PPP2R5C: variants seen among roughly 807,000 people sequenced by gnomAD.
The protein encoded by PPP2R5C is protein phosphatase 2 regulatory subunit B'gamma.
A neutral mutation model predicts 68.9 loss-of-function variants in PPP2R5C; 7 were observed. That is an observed-to-expected ratio of 0.10 (90% CI 0.06 to 0.19). PPP2R5C has a LOEUF of 0.19. Among genes scored for constraint, PPP2R5C ranks in the 10% least tolerant of loss-of-function variants. The probability of loss-of-function intolerance (pLI) is 1.00; values close to 1 mark genes in which losing one functional copy is unlikely to be tolerated. For missense variants in PPP2R5C, 348 were observed against 641.3 expected (o/e 0.54, Z 4.94); for synonymous variants, 210 against 222.2 (o/e 0.95, Z 0.49).
intron 13 of PPP2R5C, chr14:101,922,180 A>C: frequency 1.0e-6 from 1 of 985,418 alleles, no homozygotes; most frequent in Non-Finnish European, 1.2e-6. Flanking sequence ...GATGGTCAAA[A>C]CAAAGAAAGA....
chr14:101,785,806 G>A (rs184485377), intron 2 of PPP2R5C, among the ~76,000 whole-genome samples: 64 of 152,308 alleles, frequency 4.2e-4, no homozygotes, highest in Admixed American at 3.3e-3. Context: ...AGGAAGATAC[G>A]AGAAATTAGG....
At chr14:101,881,455 G>A (rs7147979) in intron 2 of PPP2R5C, among the ~76,000 whole-genome samples, 18,672 of 152,184 alleles carry the variant, frequency 0.12, 1,815 homozygotes, top group African/African-American at 0.26. Flanking sequence ...GGTTATAAAT[G>A]TATGACATGG....
At chr14:101,841,614 G>A (rs1389782899) in intron 1 of PPP2R5C, among the ~76,000 whole-genome samples, 1 of 152,194 alleles carries the variant, frequency 6.6e-6, no homozygotes, top group Non-Finnish European at 1.5e-5. Flanking sequence ...GCGAGGAAAG[G>A]GGGTTGCCCA....
chr14:101,923,968 A>G (rs2047150411), intron 13 of PPP2R5C, among the ~76,000 whole-genome samples: 1 of 152,262 alleles, frequency 6.6e-6, no homozygotes, highest in South Asian at 2.1e-4. Context: ...TCTGCTAGAC[A>G]TACCACAAAA....
At position 101,915,015 on chromosome 14, in the gene PPP2R5C, A is replaced by G. The variant is rs2141137359; in HGVS notation, c.1326+2542A>G. Reference sequence around the variant, plus strand: ...ATGCCTGCCTTTCCTTCGAGAGAGGAGCTCATGTGCGGAATGCACCTCAGT... The same window carrying G: ...ATGCCTGCCTTTCCTTCGAGAGAGGGGCTCATGTGCGGAATGCACCTCAGT... On this transcript the variant is annotated intron_variant, in intron 12 of 13. Coordinates refer to ENST00000334743, the Ensembl canonical transcript of PPP2R5C. The surrounding 1 kb of genome is among the most constrained non-coding windows in gnomAD (Gnocchi z 4.2). 6.6e-6 allele frequency among the ~76,000 whole-genome samples: 1 copy of G among 152,182 alleles called. No individual in the cohort carries two copies. Among genetic ancestry groups the G allele is most frequent in the South Asian group, 2.1e-4 (1 of 4,816 alleles).
chr14:101,866,221 G>C (rs2043058399), intron 2 of PPP2R5C, among the ~76,000 whole-genome samples: 1 of 152,196 alleles, frequency 6.6e-6, no homozygotes. Flanking sequence ...AAGTTATCAT[G>C]CTGTGGAACT....
Position 101,882,341 on chromosome 14 carries a change from C to A in PPP2R5C, c.405+70C>A. The A allele has an allele frequency of 8.0e-7, 1 of 1,249,714 alleles. No individual in the cohort carries two copies. Among genetic ancestry groups the A allele is most frequent in the Non-Finnish European group, 1.1e-6 (1 of 887,556 alleles). 77.4% of individuals were successfully genotyped at this position (1,249,714 alleles called of 1,614,324 possible). The stretch of plus-strand genomic sequence containing the variant: ...TGGGAATGGCCTGGGATCCACAGAG[C>A]GGGCGCACTGGTCTGGCCAGATGGA... On this transcript the variant is annotated intron_variant, in intron 3 of 13. Transcript: ENST00000334743. The surrounding 1 kb of genome is among the most constrained non-coding windows in gnomAD (Gnocchi z 4.9).
At chr14:101,923,870 C>T (rs999391068) in intron 13 of PPP2R5C, among the ~76,000 whole-genome samples, 1 of 117,978 alleles carries the variant, frequency 8.5e-6, no homozygotes, top group Non-Finnish European at 1.8e-5. Flanking sequence ...ATGTATTTTA[C>T]ATCCATGTCA....
chr14:101,788,842 A>G (rs2038238268), intron 3 of PPP2R5C, among the ~76,000 whole-genome samples: 1 of 152,296 alleles, frequency 6.6e-6, no homozygotes, highest in Non-Finnish European at 1.5e-5. Flanking sequence ...CCTTTTTTCC[A>G]TCTAGGAAGA....
chr14:101,883,300 T>G (rs1274030512), exon 4 of PPP2R5C: 1 of 1,589,554 alleles, frequency 6.3e-7, no homozygotes, highest in Non-Finnish European at 8.5e-7. Flanking sequence ...TCTCCAGATT[T>G]CCAACCTAAT....
chr14:101,864,529 G>A (rs543247643), intron 2 of PPP2R5C, among the ~76,000 whole-genome samples: 9 of 152,292 alleles, frequency 5.9e-5, no homozygotes, highest in Admixed American at 2.0e-4. Context: ...CTGCGGTGGC[G>A]GTCAGTGTAA....
intron 2 of PPP2R5C, among the ~76,000 whole-genome samples, chr14:101,780,642 C>CCT (rs1330082112): frequency 6.6e-6 from 1 of 152,136 alleles, no homozygotes; most frequent in Non-Finnish European, 1.5e-5. Flanking sequence ...TTAACACACT[C>CCT]CTCTCTCTCT....
intron 1 of PPP2R5C, among the ~76,000 whole-genome samples, chr14:101,827,435 A>G (rs2040464136): frequency 6.6e-6 from 1 of 152,160 alleles, no homozygotes; most frequent in Non-Finnish European, 1.5e-5. Flanking sequence ...AGATTTATAA[A>G]TCTTGTTTCC....
At chr14:101,819,018 C>T in intron 1 of PPP2R5C, 1 of 1,551,362 alleles carries the variant, frequency 6.4e-7, no homozygotes, top group East Asian at 2.4e-5. Flanking sequence ...AACCCTCAAG[C>T]CCTAAAGTAC....
intron 3 of PPP2R5C, among the ~76,000 whole-genome samples, chr14:101,803,688 C>A (rs192070353): frequency 6.6e-6 from 1 of 151,072 alleles, no homozygotes; most frequent in East Asian, 2.0e-4. Context: ...CGCACCACTG[C>A]ACTTGCACTC....
At chr14:101,902,354 G>A (rs1325871153) in intron 9 of PPP2R5C, among the ~76,000 whole-genome samples, 2 of 152,156 alleles carry the variant, frequency 1.3e-5, no homozygotes, top group Non-Finnish European at 2.9e-5. Context: ...ATTCCTGTGC[G>A]AGAGGACGAC....
At position 101,867,889 on chromosome 14, in the gene PPP2R5C, C is replaced by T. The variant is rs548228224; in HGVS notation, c.294+11004C>T. On this transcript the variant is annotated intron_variant, in intron 2 of 13. Transcript: ENST00000334743. ...GTTTCCAGGGAAAACTAGTTGATCA[C>T]ATTATTTTAATCCGCACTGTCTGTA... Among the ~76,000 whole-genome samples the T allele has an allele frequency of 4.6e-5, 7 of 152,270 alleles. No homozygotes were observed. The South Asian group carries it at 1.4e-3, about 32-fold the overall frequency.
intron 2 of PPP2R5C, among the ~76,000 whole-genome samples, chr14:101,866,673 A>AAAAT (rs928524318): frequency 6.6e-6 from 1 of 152,192 alleles, no homozygotes; most frequent in Non-Finnish European, 1.5e-5. Flanking sequence ...CCGTCTCAAA[A>AAAAT]AAATAAATAA....
intron 3 of PPP2R5C, among the ~76,000 whole-genome samples, chr14:101,802,528 A>T (rs1405766426): frequency 6.6e-6 from 1 of 152,248 alleles, no homozygotes; most frequent in African/African-American, 2.4e-5. Context: ...ATGTTTGAGG[A>T]GAAAACATAG....
Sources: allele counts gnomAD v4.1 joint callset (sites outside exome capture counted in the v4.1 genomes callset), GRCh38; gene constraint gnomAD v4.1.1; non-coding constraint Gnocchi (gnomAD v3.1); transcripts MANE v1.5; gene names NCBI Gene and HGNC (gene_info 2026-07-23, HGNC 2026-07-21).